The following CYFIP1 variants were observed in gnomAD, a reference collection of about 807,000 sequenced individuals.
CYFIP1 encodes cytoplasmic FMR1-interacting protein 1.
In CYFIP1, 58 loss-of-function variants were observed where a neutral mutation model predicts 163.5. The observed-to-expected ratio is 0.35, with a 90% CI of 0.29 to 0.44. The LOEUF (loss-of-function observed/expected upper bound fraction) is 0.44, where lower values mean the gene tolerates loss of function less well. CYFIP1 is among the 20% of genes least tolerant of loss of function. The pLI is 1.00. For missense variants in CYFIP1, 1,338 were observed against 1,653.8 expected (o/e 0.81, Z 3.31); for synonymous variants, 663 against 660.7 (o/e 1.00, Z -0.05).
chr15:22,942,757 T>C (rs1156615162), intron 6 of CYFIP1, among the ~76,000 whole-genome samples: 2 of 152,166 alleles, frequency 1.3e-5, no homozygotes, highest in South Asian at 2.1e-4. Flanking sequence ...GGACCCCCGC[T>C]GGCGAGTGAC....
chr15:22,951,845 G>C (rs538424155), intron 1 of CYFIP1, among the ~76,000 whole-genome samples: 8 of 152,314 alleles, frequency 5.3e-5, no homozygotes, highest in African/African-American at 1.9e-4. Context: ...TCGTGCGTCA[G>C]CTGTGATCCA....
chr15:22,976,411 C>A (rs764546473), intron 1 of CYFIP1, among the ~76,000 whole-genome samples: 3 of 152,208 alleles, frequency 2.0e-5, no homozygotes, highest in Non-Finnish European at 4.4e-5. Flanking sequence ...CCGCCTCGGC[C>A]TCCCAAAGTG....
intron 1 of CYFIP1, among the ~76,000 whole-genome samples, chr15:22,972,157 T>A (rs562603459): frequency 2.0e-5 from 3 of 152,238 alleles, no homozygotes; most frequent in African/African-American, 7.2e-5. Context: ...CTACAGAGGC[T>A]GGGCATGGTG....
At chr15:22,872,591 G>A (rs1322212016) in intron 30 of CYFIP1, 3 of 492,178 alleles carry the variant, frequency 6.1e-6, no homozygotes, top group African/African-American at 1.9e-5. Context: ...CTGTAAGACT[G>A]GAAGTAAATC....
intron 23 of CYFIP1, among the ~76,000 whole-genome samples, chr15:22,884,359 T>C (rs2059872084): frequency 6.6e-6 from 1 of 152,200 alleles, no homozygotes; most frequent in Admixed American, 6.5e-5. Context: ...AATGCTCCCA[T>C]TGCAAATGGG....
At chr15:22,881,807 C>T in intron 25 of CYFIP1, 39 bp downstream of exon 25, 1 of 1,586,654 alleles carries the variant, frequency 6.3e-7, no homozygotes, top group Admixed American at 1.7e-5. Context: ...TCTGACCTCT[C>T]CACAGACAGC....
chr15:22,916,404 G>C, intron 16 of CYFIP1, 73 bp downstream of exon 16: 1 of 1,176,808 alleles, frequency 8.5e-7, no homozygotes, highest in Non-Finnish European at 1.2e-6. Flanking sequence ...GGTCAGGCGG[G>C]CGGAAGCATT....
chr15:22,874,594 G>A lies in CYFIP1; in HGVS notation c.3166C>T (p.Pro1056Ser). 1 of 1,607,344 alleles carries A rather than the reference G, an allele frequency of 6.2e-7. No homozygotes were observed. The highest frequency in any genetic ancestry group is 8.5e-7 in the Non-Finnish European group (1 of 1,177,524). Reference sequence around the variant, plus strand: ...TCAATCAGTGGGACAAGATGCAGCGGGGCGTACTTTGATTCTAGTCTTTTC... The same window carrying A: ...TCAATCAGTGGGACAAGATGCAGCGAGGCGTACTTTGATTCTAGTCTTTTC... Reference protein sequence around the residue: ...KMKRLESKYAPLHLVPLIERL... With the variant: ...KMKRLESKYASLHLVPLIERL... Residue 1056 changes from proline to serine, a missense_variant, in exon 28 of 31, where the codon CCG (proline) becomes TCG (serine). Coordinates refer to ENST00000617928, the MANE Select transcript of CYFIP1 (RefSeq NM_014608.6).
chr15:22,902,156 C>T (rs934057319), intron 22 of CYFIP1, among the ~76,000 whole-genome samples: 32 of 152,212 alleles, frequency 2.1e-4, no homozygotes, highest in African/African-American at 7.2e-4. Context: ...CTGCCTGTGT[C>T]CAGGGTCCCC....
chr15:22,921,485 C>A (rs1009264720), intron 13 of CYFIP1, among the ~76,000 whole-genome samples: 2 of 151,566 alleles, frequency 1.3e-5, no homozygotes, highest in African/African-American at 2.4e-5. Flanking sequence ...AACAGTAAAA[C>A]TGACAAATGC....
intron 22 of CYFIP1, among the ~76,000 whole-genome samples, chr15:22,903,225 C>A (rs910889287): frequency 1.3e-5 from 2 of 152,152 alleles, no homozygotes; most frequent in African/African-American, 4.8e-5. Flanking sequence ...GAGAAGGAAC[C>A]TCAGCCAGAA....
chr15:22,875,194 C>A lies in CYFIP1; in HGVS notation c.3115+5G>T, dbSNP rs745403001. On this transcript the variant is annotated splice_donor_5th_base_variant and intron_variant, in intron 27 of 30. Coordinates refer to ENST00000617928, the MANE Select transcript of CYFIP1 (RefSeq NM_014608.6). ...GGACTCCCTGGTGGGGGTCAGCAGG[C>A]TCACCTTTCACATGGACTCGCGGCA... is the stretch of plus-strand genomic sequence containing the variant. 6.2e-7 allele frequency: 1 copy of A among 1,614,032 alleles called. No individual in the cohort carries two copies. The highest frequency in any genetic ancestry group is 8.5e-7 in the Non-Finnish European group (1 of 1,179,930).
Position 22,937,163 on chromosome 15 carries a change from T to A in CYFIP1, c.841A>T (p.Ile281Phe), listed in dbSNP as rs561770742. The A allele has an allele frequency of 1.2e-6, 2 of 1,613,740 alleles. No individual in the cohort carries two copies. Among genetic ancestry groups the A allele is most frequent in the Non-Finnish European group, 1.7e-6 (2 of 1,179,618 alleles). Reference protein sequence around the residue: ...LYLMDGSVSNIYKLDAKKRIN... With the variant: ...LYLMDGSVSNFYKLDAKKRIN... ...CTTTTCTTGGCATCCAACTTATAGA[T>A]GTTACTGACACTCCCATCCATCAGG... The change falls in exon 9 of 31, where the codon ATC becomes TTC. Residue 281 changes from isoleucine to phenylalanine, a missense_variant. By Grantham distance (21) the Ile-to-Phe change is conservative. Coordinates refer to ENST00000617928, the MANE Select transcript of CYFIP1 (RefSeq NM_014608.6).
intron 1 of CYFIP1, among the ~76,000 whole-genome samples, chr15:22,977,428 G>A (rs929634337): frequency 3.9e-5 from 6 of 152,128 alleles, no homozygotes; most frequent in African/African-American, 1.4e-4. Flanking sequence ...TTTAAATTAT[G>A]TCAGTGTAAT....
chr15:22,966,490 C>A (rs1398374507), intron 1 of CYFIP1, among the ~76,000 whole-genome samples: 1 of 151,956 alleles, frequency 6.6e-6, no homozygotes, highest in Non-Finnish European at 1.5e-5. Context: ...CAGAGGGAAC[C>A]AACCTGCCCA....
intron 1 of CYFIP1, among the ~76,000 whole-genome samples, chr15:22,973,981 C>T (rs73426834): frequency 0.01 from 1,562 of 152,266 alleles, 28 homozygotes; most frequent in African/African-American, 0.036. Flanking sequence ...GAGCTATCAC[C>T]TCACACCTGT....
rs1033286689 is a variant in CYFIP1, at chr15:22,869,079, T to A, written c.*949A>T. ...ATCATGTGAACCAGCTCCAGCCATG[T>A]GAGCCCTGTGGATCGGGGACAGCTG... On this transcript the variant is annotated 3_prime_UTR_variant, in exon 31 of 31. Coordinates refer to ENST00000617928, the MANE Select transcript of CYFIP1 (RefSeq NM_014608.6). 1.3e-5 allele frequency: 2 copies of A among 152,240 alleles called. No individual in the cohort carries two copies. The highest frequency in any genetic ancestry group is 2.9e-5 in the Non-Finnish European group (2 of 68,044). 9.4% of individuals were successfully genotyped at this position (152,240 alleles called of 1,614,324 possible).
At position 22,944,675 on chromosome 15, in the gene CYFIP1, C is replaced by A. The variant is rs2140102438; in HGVS notation, c.286-16G>T. ...TACATTTCACCTGGGAATAAAGGAACAAGGATGACATAAGAGGCTTTGATC... is the reference window on the plus strand; with the variant it reads ...TACATTTCACCTGGGAATAAAGGAAAAAGGATGACATAAGAGGCTTTGATC... On this transcript the variant is annotated splice_polypyrimidine_tract_variant and intron_variant, in intron 4 of 30. Transcript: ENST00000617928. 1 of 1,605,708 alleles carries A rather than the reference C, an allele frequency of 6.2e-7. No individual in the cohort carries two copies.
chr15:22,936,804 G>A (rs1308442819), intron 9 of CYFIP1, among the ~76,000 whole-genome samples: 3 of 152,232 alleles, frequency 2.0e-5, no homozygotes, highest in Admixed American at 2.0e-4. Context: ...ACAAGCTGTA[G>A]CTACGGGCTT....
Sources: allele counts gnomAD v4.1 joint callset (sites outside exome capture counted in the v4.1 genomes callset), GRCh38; gene constraint gnomAD v4.1.1; transcripts MANE v1.5; gene names NCBI Gene and HGNC (gene_info 2026-07-23, HGNC 2026-07-21).